The following POLA1 variants were observed in gnomAD, a reference collection of about 807,000 sequenced individuals.
The protein encoded by POLA1 is DNA polymerase alpha catalytic subunit.
POLA1 carries 15 observed loss-of-function variants against 124.0 expected under a neutral mutation model. The ratio of observed to expected loss-of-function variants is 0.12; its 90% confidence interval spans 0.08 to 0.19. The LOEUF (loss-of-function observed/expected upper bound fraction) is 0.19. POLA1 is among the 10% of genes least tolerant of loss of function. The pLI is 1.00. For synonymous variants in POLA1, 408 were observed against 389.4 expected (o/e 1.05, Z -0.56); for missense variants, 886 against 1,103.4 (o/e 0.80, Z 2.79).
intron 34 of POLA1, among the ~76,000 whole-genome samples, chrX:24,879,082 C>G (rs1370010296): frequency 9.0e-6 from 1 of 111,202 alleles, no homozygotes; most frequent in African/African-American, 3.3e-5. Context: ...CTTGAGTTCA[C>G]TTTTGAAGTT....
chrX:24,820,480 A>G (rs746914298), intron 30 of POLA1, among the ~76,000 whole-genome samples: 5 of 111,378 alleles, frequency 4.5e-5, no homozygotes, highest in African/African-American at 1.6e-4. Flanking sequence ...ACTGAGTTCC[A>G]GTCTAATAGA....
chrX:24,875,561 G>A (rs754328437), intron 34 of POLA1, among the ~76,000 whole-genome samples: 1 of 111,981 alleles, frequency 8.9e-6, no homozygotes, highest in South Asian at 3.7e-4. Flanking sequence ...AGAAATCACA[G>A]TATCTATAAT....
chrX:24,861,800 C>T lies in POLA1; in HGVS notation c.4047+18123C>T, dbSNP rs150091555. ...TTACTTCAAGCCAAATTTTGAACTG[C>T]ATAAATGTTAACGTTTATGAAAACG... On this transcript the variant is annotated intron_variant, in intron 34 of 36. Transcript: ENST00000379068. Among the ~76,000 whole-genome samples the T allele has an allele frequency of 3.0e-3, 337 of 112,346 alleles. 5 individuals are homozygous for T. Among genetic ancestry groups the T allele is most frequent in the African/African-American group, 0.011 (327 of 31,015 alleles).
chrX:24,946,407 G>C (rs1383210040), intron 36 of POLA1, among the ~76,000 whole-genome samples: 1 of 111,897 alleles, frequency 8.9e-6, no homozygotes, highest in East Asian at 2.8e-4. Context: ...GTCCAGGCAG[G>C]AGAAATAGCT....
intron 26 of POLA1, among the ~76,000 whole-genome samples, chrX:24,751,385 A>G (rs1932312971): frequency 8.9e-6 from 1 of 112,234 alleles, no homozygotes; most frequent in Admixed American, 9.5e-5. Context: ...TATATAAAAT[A>G]TAACAATAAC....
chrX:24,878,738 A>G (rs756143626), intron 34 of POLA1, among the ~76,000 whole-genome samples: 11 of 110,943 alleles, frequency 9.9e-5, no homozygotes, highest in Middle Eastern at 4.6e-3. Flanking sequence ...TAGTAAAAAA[A>G]AAAAAAAAAA....
chrX:24,880,065 A>G (rs1190368958), intron 34 of POLA1, among the ~76,000 whole-genome samples: 1 of 111,762 alleles, frequency 8.9e-6, no homozygotes, highest in Non-Finnish European at 1.9e-5. Flanking sequence ...AAAGCAGACC[A>G]AGTCGCTAAT....
At chrX:24,770,958 T>A (rs1278112532) in intron 26 of POLA1, among the ~76,000 whole-genome samples, 5 of 111,455 alleles carry the variant, frequency 4.5e-5, no homozygotes, top group Non-Finnish European at 1.9e-5. Flanking sequence ...TAACACAAAT[T>A]ATGGATAAAT....
intron 34 of POLA1, among the ~76,000 whole-genome samples, chrX:24,870,897 A>G (rs1364556172): frequency 8.9e-6 from 1 of 111,919 alleles, no homozygotes; most frequent in Non-Finnish European, 1.9e-5. Flanking sequence ...ACCTGTTTCA[A>G]TAACACATGA....
intron 36 of POLA1, among the ~76,000 whole-genome samples, chrX:24,965,431 A>G (rs769028574): frequency 3.1e-4 from 35 of 112,162 alleles, no homozygotes; most frequent in Non-Finnish European, 6.0e-4. Context: ...TTTCTCACAT[A>G]TGTTTCTTCT....
At chrX:24,710,441 G>A (rs1929329765) in intron 4 of POLA1, among the ~76,000 whole-genome samples, 1 of 111,882 alleles carries the variant, frequency 8.9e-6, no homozygotes, top group Non-Finnish European at 1.9e-5. Context: ...ATGTTTTCAA[G>A]TAGCATGTAT....
chrX:24,711,686 C>T (rs1253772035), intron 4 of POLA1, among the ~76,000 whole-genome samples: 1 of 111,264 alleles, frequency 9.0e-6, no homozygotes, highest in Non-Finnish European at 1.9e-5. Context: ...CAACCTCTGC[C>T]TCCTGAGTTC....
chrX:24,790,657 C>T (rs1451548708), intron 26 of POLA1, among the ~76,000 whole-genome samples: 3 of 110,350 alleles, frequency 2.7e-5, no homozygotes, highest in African/African-American at 6.6e-5. Flanking sequence ...CTTTCCTATT[C>T]TCAACTGCAG....
intron 26 of POLA1, among the ~76,000 whole-genome samples, chrX:24,795,391 A>G (rs1277235464): frequency 2.7e-5 from 3 of 111,241 alleles, no homozygotes; most frequent in African/African-American, 9.8e-5. Context: ...TATACCCTCA[A>G]TGGTGTTGGT....
intron 35 of POLA1, among the ~76,000 whole-genome samples, chrX:24,929,599 A>C (rs1258793372): frequency 1.8e-5 from 2 of 112,123 alleles, no homozygotes; most frequent in South Asian, 7.5e-4. Flanking sequence ...GAAGATGGAA[A>C]GAAAGTTTGT....
At chrX:24,809,072 G>A (rs1044021212) in intron 26 of POLA1, among the ~76,000 whole-genome samples, 18 of 110,765 alleles carry the variant, frequency 1.6e-4, no homozygotes, top group Non-Finnish European at 1.1e-4. Flanking sequence ...GATATTAATA[G>A]TAGCTACCCC....
At chrX:24,827,155 G>A (rs1417099293) in intron 32 of POLA1, among the ~76,000 whole-genome samples, 1 of 112,072 alleles carries the variant, frequency 8.9e-6, no homozygotes, top group African/African-American at 3.2e-5. Flanking sequence ...CATCATCCGA[G>A]GAGGTACCAG....
intron 1 of POLA1, among the ~76,000 whole-genome samples, chrX:24,698,116 AT>A (rs1022833536): frequency 9.1e-6 from 1 of 109,608 alleles, no homozygotes; most frequent in African/African-American, 3.3e-5. Context: ...TAATTTTTGT[AT>A]TTTTAGTAGA....
chrX:24,713,293 CT>C (rs200121382), intron 4 of POLA1, among the ~76,000 whole-genome samples: 1 of 110,933 alleles, frequency 9.0e-6, no homozygotes, highest in East Asian at 2.8e-4. Flanking sequence ...TCATTGTTGG[CT>C]TTTTTTTGAG....
Sources: allele counts gnomAD v4.1 joint callset (sites outside exome capture counted in the v4.1 genomes callset), GRCh38; gene constraint gnomAD v4.1.1; transcripts MANE v1.5; gene names NCBI Gene and HGNC (gene_info 2026-07-23, HGNC 2026-07-21).